Variants in TRIO observed in about 807,000 individuals in gnomAD.
TRIO encodes the protein triple functional domain protein.
A neutral mutation model predicts 351.9 loss-of-function variants in TRIO; 58 were observed. The ratio of observed to expected loss-of-function variants is 0.16; its 90% CI spans 0.13 to 0.21. The LOEUF (loss-of-function observed/expected upper bound fraction) is 0.21, where lower values mean the gene tolerates loss of function less well. Ranked by LOEUF, TRIO falls within the 10% of genes least tolerant of loss-of-function variation. The pLI, the probability that TRIO is intolerant of heterozygous loss-of-function variation, is 1.00. For missense variants in TRIO, 3,201 were observed against 4,027.8 expected (o/e 0.79, Z 5.56); for synonymous variants, 1,758 against 1,595.7 (o/e 1.10, Z -2.42).
intron 9 of TRIO, among the ~76,000 whole-genome samples, chr5:14,324,192 A>G (rs748287413): frequency 6.6e-6 from 1 of 152,168 alleles, no homozygotes; most frequent in Non-Finnish European, 1.5e-5. Flanking sequence ...GGAAATCTTT[A>G]TTTTGCAACT....
chr5:14,143,764 G>A lies in TRIO; in HGVS notation c.39G>A (p.Ala13=). The A allele has an allele frequency of 1.0e-6, 1 of 999,808 alleles. No individual in the cohort carries two copies. The highest frequency in any genetic ancestry group is 5.0e-4 in the Middle Eastern group (1 of 2,012). The allele number at this position is 999,808 out of a possible 1,614,324, so 61.9% of individuals were successfully genotyped here. The change falls in exon 1 of 57, where the codon GCG becomes GCA. Residue 13 remains alanine, a synonymous_variant. Transcript: ENST00000344204. The part of the protein sequence containing the change: ...GSSGGAAAPA[A]SSGPAAAASA... Reference sequence around the variant, plus strand: ...GCGGCGGAGCCGCCGCCCCCGCCGCGTCCTCCGGCCCCGCCGCGGCGGCCA... The same window carrying A: ...GCGGCGGAGCCGCCGCCCCCGCCGCATCCTCCGGCCCCGCCGCGGCGGCCA...
At chr5:14,250,107 C>T (rs955208963) in intron 1 of TRIO, among the ~76,000 whole-genome samples, 3 of 152,114 alleles carry the variant, frequency 2.0e-5, no homozygotes, top group African/African-American at 7.2e-5. Context: ...CAATTTACAC[C>T]GACAGAAACT....
chr5:14,457,286 G>C (rs1423664320), intron 34 of TRIO, among the ~76,000 whole-genome samples: 1 of 149,788 alleles, frequency 6.7e-6, no homozygotes, highest in Non-Finnish European at 1.5e-5. Context: ...GGCAAGAACT[G>C]CTGCTTCTCA....
intron 21 of TRIO, among the ~76,000 whole-genome samples, chr5:14,382,957 G>A (rs144036613): frequency 6.6e-6 from 1 of 152,180 alleles, no homozygotes; most frequent in Admixed American, 6.5e-5. Flanking sequence ...GTGTGTGTCT[G>A]TGTGTGTGTT....
intron 1 of TRIO, 90 bp downstream of exon 1, chr5:14,143,972 C>G: frequency 7.5e-6 from 7 of 936,964 alleles, no homozygotes; most frequent in Non-Finnish European, 9.0e-6. Context: ...GGCCACCGCG[C>G]GCTGGTGCCC....
At chr5:14,420,972 G>A (rs1044899871) in intron 34 of TRIO, among the ~76,000 whole-genome samples, 3 of 152,138 alleles carry the variant, frequency 2.0e-5, no homozygotes, top group East Asian at 3.8e-4. Flanking sequence ...ACTTGGCTTC[G>A]TCCGGAAAAC....
chr5:14,389,811 A>C (rs1220902794), intron 25 of TRIO, among the ~76,000 whole-genome samples: 1 of 152,154 alleles, frequency 6.6e-6, no homozygotes, highest in Non-Finnish European at 1.5e-5. Flanking sequence ...GACCAAAATA[A>C]AATGCATTTT....
At chr5:14,484,074 A>G (rs1193126405) in intron 46 of TRIO, among the ~76,000 whole-genome samples, 2 of 146,294 alleles carry the variant, frequency 1.4e-5, no homozygotes, top group East Asian at 4.0e-4. Context: ...TGAGAACTGC[A>G]CTCATCCATC....
Position 14,497,825 on chromosome 5 carries a change from T to A in TRIO, c.8020-22T>A, listed in dbSNP as rs760710812. ...TAAAGTAGCTCATTTCAGTTAATGC[T>A]TGTTTGCTGTTTCCATTTCAGCTTC... On this transcript the variant is annotated intron_variant, in intron 50 of 56. Coordinates refer to ENST00000344204, the MANE Select transcript of TRIO (RefSeq NM_007118.4). This position sits in a 1 kb window ranked among gnomAD's most constrained non-coding sequence, Gnocchi z 4.4. The A allele has an allele frequency of 4.8e-5, 77 of 1,614,084 alleles. No individual in the cohort carries two copies. Among genetic ancestry groups the A allele is most frequent in the Non-Finnish European group, 5.9e-5 (70 of 1,180,016 alleles).
intron 48 of TRIO, among the ~76,000 whole-genome samples, chr5:14,491,666 G>A (rs1756497056): frequency 6.6e-6 from 1 of 152,214 alleles, no homozygotes; most frequent in African/African-American, 2.4e-5. Context: ...CTGTCTTGCT[G>A]TTGCAATCCT....
At chr5:14,473,045 C>G (rs1754798901) in intron 39 of TRIO, among the ~76,000 whole-genome samples, 1 of 152,214 alleles carries the variant, frequency 6.6e-6, no homozygotes, top group Admixed American at 6.5e-5. Context: ...TGTGGCCCAG[C>G]TGTGGGTTCG....
intron 48 of TRIO, 166 bp from the exon 49 acceptor site, chr5:14,492,401 C>A: frequency 1.2e-6 from 1 of 829,028 alleles, no homozygotes; most frequent in Non-Finnish European, 1.8e-6. Context: ...TAGATGCACA[C>A]AGTTAGCCAG....
At chr5:14,177,625 G>GCTGA (rs929669090) in intron 1 of TRIO, among the ~76,000 whole-genome samples, 2 of 152,206 alleles carry the variant, frequency 1.3e-5, no homozygotes, top group Admixed American at 1.3e-4. Context: ...ATATTGCCGG[G>GCTGA]CTGACTGGCT....
rs538096965 is a variant in TRIO, at chr5:14,370,465, G to A, written c.3216+942G>A. Among the ~76,000 whole-genome samples, 68 of 152,242 alleles carry A rather than the reference G, an allele frequency of 4.5e-4. 1 individual carries two copies. Among genetic ancestry groups the A allele is most frequent in the African/African-American group, 1.5e-3 (63 of 41,572 alleles). ...CCACCCAGACCCATTAAAAGTAGGG[G>A]TGGTGGTCACTTTTCCTCCTTACCT... is the stretch of plus-strand genomic sequence containing the variant. On this transcript the variant is annotated intron_variant, in intron 18 of 56. Transcript: ENST00000344204.
intron 11 of TRIO, among the ~76,000 whole-genome samples, chr5:14,345,060 T>C (rs1284056736): frequency 6.6e-6 from 1 of 152,256 alleles, no homozygotes; most frequent in Non-Finnish European, 1.5e-5. Context: ...TATTATAATA[T>C]TATCTGAAAG....
In TRIO at chr5:14,156,028, T is replaced by C. The variant is rs534663939; in HGVS notation, c.157+12146T>C. ...AAGAGCTTTCCTTATCTTCCACTTA[T>C]TTATTTATATAAGTATGGCCTCAGA... On this transcript the variant is annotated intron_variant, in intron 1 of 56. Transcript: ENST00000344204. Among the ~76,000 whole-genome samples the C allele has an allele frequency of 2.0e-5, 3 of 152,334 alleles. No individual in the cohort carries two copies. In the East Asian group the frequency reaches 5.8e-4, roughly 29 times the overall value.
intron 34 of TRIO, among the ~76,000 whole-genome samples, chr5:14,429,356 C>T (rs1477988589): frequency 1.3e-5 from 2 of 152,160 alleles, no homozygotes; most frequent in Admixed American, 6.5e-5. Context: ...TTCAGAGAAG[C>T]GTGAGATGAG....
intron 33 of TRIO, among the ~76,000 whole-genome samples, chr5:14,413,117 C>T (rs888809206): frequency 2.0e-5 from 3 of 152,244 alleles, no homozygotes; most frequent in Non-Finnish European, 4.4e-5. Flanking sequence ...CTGTCAATTT[C>T]AGCCTCCCCT....
chr5:14,197,201 T>A (rs1581328050), intron 1 of TRIO, among the ~76,000 whole-genome samples: 1 of 152,318 alleles, frequency 6.6e-6, no homozygotes, highest in African/African-American at 2.4e-5. Context: ...CCCGCCCCTG[T>A]GACTTGCTGT....
Sources: gnomAD v4.1 joint callset for allele counts (sites outside exome capture counted in the v4.1 genomes callset) on GRCh38, gnomAD v4.1.1 for gene constraint, Gnocchi (gnomAD v3.1) non-coding constraint, MANE v1.5 for transcripts, NCBI Gene and HGNC (gene_info 2026-07-23, HGNC 2026-07-21) for gene names.